Variants in PEX14 observed in about 807,000 individuals in gnomAD.
PEX14 encodes the protein peroxisomal membrane protein PEX14.
In PEX14, 15 loss-of-function variants were observed where a neutral mutation model predicts 49.5. The ratio of observed to expected loss-of-function variants is 0.30; its 90% CI spans 0.20 to 0.47. The LOEUF is 0.47. PEX14 is among the 20% of genes least tolerant of loss of function. PEX14 has a pLI of 1.00. For synonymous variants in PEX14, 210 were observed against 212.7 expected (o/e 0.99, Z 0.11); for missense variants, 398 against 494.8 (o/e 0.80, Z 1.86).
At chr1:10,537,341 A>ACACC (rs1638840260) in intron 3 of PEX14, among the ~76,000 whole-genome samples, 1 of 28,430 alleles carries the variant, frequency 3.5e-5, no homozygotes, top group Non-Finnish European at 6.3e-5. Flanking sequence ...TTGTGCCAGC[A>ACACC]CCCCCCCCCC....
intron 3 of PEX14, among the ~76,000 whole-genome samples, chr1:10,549,683 G>A (rs1391465440): frequency 6.6e-6 from 1 of 152,100 alleles, no homozygotes; most frequent in Non-Finnish European, 1.5e-5. Flanking sequence ...TCAGATTTTG[G>A]AATATTTGCA....
At chr1:10,492,109 A>T (rs562140982) in intron 1 of PEX14, among the ~76,000 whole-genome samples, 1 of 152,302 alleles carries the variant, frequency 6.6e-6, no homozygotes, top group Middle Eastern at 3.4e-3. Flanking sequence ...GAATTTTCTA[A>T]AACAATTCAT....
chr1:10,505,229 C>T (rs12043276), intron 2 of PEX14, among the ~76,000 whole-genome samples: 12 of 152,090 alleles, frequency 7.9e-5, no homozygotes, highest in African/African-American at 2.9e-4. Context: ...CAGCACCTTG[C>T]GAGGCTGAGG....
intron 4 of PEX14, among the ~76,000 whole-genome samples, chr1:10,607,178 C>G (rs1002510764): frequency 4.6e-5 from 7 of 152,008 alleles, no homozygotes; most frequent in African/African-American, 1.7e-4. Flanking sequence ...TTCCGCTCAG[C>G]GTAGTGTTGC....
chr1:10,510,206 C>A (rs926469504), intron 2 of PEX14, among the ~76,000 whole-genome samples: 2 of 152,214 alleles, frequency 1.3e-5, no homozygotes, highest in Admixed American at 1.3e-4. Flanking sequence ...TCATTTCATC[C>A]CTACACGTGC....
intron 2 of PEX14, among the ~76,000 whole-genome samples, chr1:10,530,192 G>A (rs1209127465): frequency 2.0e-5 from 3 of 152,058 alleles, no homozygotes; most frequent in Non-Finnish European, 4.4e-5. Context: ...AGGGGAAAGA[G>A]TACAAAAAAA....
chr1:10,534,021 C>T (rs945000824), intron 2 of PEX14, among the ~76,000 whole-genome samples: 2 of 152,084 alleles, frequency 1.3e-5, no homozygotes, highest in Non-Finnish European at 2.9e-5. Flanking sequence ...ATTCTGTTTT[C>T]TTTCTCTGTC....
chr1:10,537,341 A>AACCCCCCCCCCCCCCC (rs1553187430), intron 3 of PEX14, among the ~76,000 whole-genome samples: 1 of 28,430 alleles, frequency 3.5e-5, no homozygotes, highest in African/African-American at 1.4e-4. Context: ...TTGTGCCAGC[A>AACCCCCCCCCCCCCCC]CCCCCCCCCC....
chr1:10,545,478 TGGAGAATA>T (rs1276078550), intron 3 of PEX14, among the ~76,000 whole-genome samples: 2 of 152,206 alleles, frequency 1.3e-5, no homozygotes, highest in African/African-American at 4.8e-5. Context: ...ATTTTGAGCC[TGGAGAATA>T]GGAAGATGAA....
intron 4 of PEX14, among the ~76,000 whole-genome samples, chr1:10,604,874 G>A (rs1207480486): frequency 6.6e-6 from 1 of 152,130 alleles, no homozygotes; most frequent in African/African-American, 2.4e-5. Flanking sequence ...GGAGACATGG[G>A]TGGGGGGGCA....
intron 3 of PEX14, among the ~76,000 whole-genome samples, chr1:10,568,229 G>A (rs184496675): frequency 4.4e-4 from 66 of 150,160 alleles, no homozygotes; most frequent in African/African-American, 1.6e-3. Context: ...CGTATGATGT[G>A]TTTCTGATTT....
rs1245138163 is a variant in PEX14, at chr1:10,494,392, G to GC, written c.37-880dup. On this transcript the variant is annotated intron_variant, in intron 1 of 8. Transcript: ENST00000356607. The surrounding 1 kb of genome is among the most constrained non-coding windows in gnomAD (Gnocchi z 4.3). ...ATTAACTGTAGATAGATGGCAATTG[G>GC]CCTGACCATCAGTCACAGTAAACTA... Among the ~76,000 whole-genome samples, 5 of 152,198 alleles carry GC rather than the reference G, an allele frequency of 3.3e-5. No homozygotes were observed. Among genetic ancestry groups the GC allele is most frequent in the Non-Finnish European group, 5.9e-5 (4 of 68,040 alleles).
At chr1:10,533,484 T>A (rs2480781) in intron 2 of PEX14, among the ~76,000 whole-genome samples, 104,910 of 152,116 alleles carry the variant, frequency 0.69, 38,627 homozygotes, top group Non-Finnish European at 0.82. Context: ...AAATTCATTT[T>A]TCTTGCTTTT....
chr1:10,614,556 A>G (rs1264889045), intron 4 of PEX14, among the ~76,000 whole-genome samples: 1 of 152,162 alleles, frequency 6.6e-6, no homozygotes, highest in East Asian at 1.9e-4. Context: ...AGAGGGCCCC[A>G]GAGAAGGCTG....
chr1:10,566,165 T>C (rs1429057888), intron 3 of PEX14, among the ~76,000 whole-genome samples: 1 of 152,198 alleles, frequency 6.6e-6, no homozygotes, highest in Non-Finnish European at 1.5e-5. Flanking sequence ...CTCAGCAGTA[T>C]TGTTGAACTT....
intron 3 of PEX14, among the ~76,000 whole-genome samples, chr1:10,596,054 A>G (rs1448465936): frequency 1.3e-5 from 2 of 152,238 alleles, no homozygotes; most frequent in Non-Finnish European, 2.9e-5. Flanking sequence ...TGTTGGCTCC[A>G]TGGCAGCACT....
chr1:10,538,241 A>G (rs1638897705), intron 3 of PEX14, among the ~76,000 whole-genome samples: 1 of 152,232 alleles, frequency 6.6e-6, no homozygotes, highest in Non-Finnish European at 1.5e-5. Context: ...GTGATCTTAA[A>G]CAACATGAAT....
At chr1:10,608,448 G>A (rs904383230) in intron 4 of PEX14, among the ~76,000 whole-genome samples, 7 of 152,290 alleles carry the variant, frequency 4.6e-5, no homozygotes, top group Admixed American at 4.6e-4. Context: ...GATTGCCTGA[G>A]CTCAGGAGTT....
intron 2 of PEX14, among the ~76,000 whole-genome samples, chr1:10,517,382 G>T (rs1460771374): frequency 2.0e-5 from 3 of 152,070 alleles, no homozygotes; most frequent in African/African-American, 7.2e-5. Flanking sequence ...TGATCGGGTC[G>T]GTTCACCCTC....
Sources: allele counts gnomAD v4.1 joint callset (sites outside exome capture counted in the v4.1 genomes callset), GRCh38; gene constraint gnomAD v4.1.1; non-coding constraint Gnocchi (gnomAD v3.1); transcripts MANE v1.5; gene names NCBI Gene and HGNC (gene_info 2026-07-23, HGNC 2026-07-21).